The following NTM variants were observed in gnomAD, a reference collection of about 807,000 sequenced individuals.
The protein encoded by NTM is neurotrimin.
Under a neutral mutation model 42.1 loss-of-function variants are expected in NTM, and 13 were observed. The observed-to-expected ratio is 0.31, with a 90% confidence interval of 0.20 to 0.49. The LOEUF (loss-of-function observed/expected upper bound fraction) is 0.49, where lower values mean the gene tolerates loss of function less well. Ranked by LOEUF, NTM falls within the 20% of genes least tolerant of loss-of-function variation. The probability of loss-of-function intolerance (pLI) is 0.99; values close to 1 mark genes in which losing one functional copy is unlikely to be tolerated. For synonymous variants in NTM, 187 were observed against 179.2 expected (o/e 1.04, Z -0.35); for missense variants, 373 against 452.8 (o/e 0.82, Z 1.60).
chr11:131,572,598 C>T lies in NTM; in HGVS notation c.82+201710C>T, dbSNP rs77689056. Among the ~76,000 whole-genome samples the T allele has an allele frequency of 5.5e-3, 840 of 152,240 alleles. 6 individuals carry two copies. The highest frequency in any genetic ancestry group is 0.018 in the African/African-American group (763 of 41,548). ...TCTTTCCCTTGGATGACTGTGCGCG[C>T]ATTGAAAGACTTTGCAGAGACGGCT... On this transcript the variant is annotated intron_variant, in intron 1 of 8. Coordinates refer to ENST00000683400, the MANE Select transcript of NTM (RefSeq NM_001352005.2).
chr11:131,445,395 A>T (rs2136004818), intron 1 of NTM, among the ~76,000 whole-genome samples: 1 of 152,352 alleles, frequency 6.6e-6, no homozygotes, highest in South Asian at 2.1e-4. Flanking sequence ...TGCATGAATG[A>T]GAAAAGGAAA....
At chr11:132,140,126 C>T (rs1428529820) in intron 2 of NTM, among the ~76,000 whole-genome samples, 1 of 152,138 alleles carries the variant, frequency 6.6e-6, no homozygotes, top group Non-Finnish European at 1.5e-5. Flanking sequence ...TTAAATGAAA[C>T]CCAGTGGAGT....
At chr11:132,195,194 C>T (rs138684914) in intron 3 of NTM, among the ~76,000 whole-genome samples, 19 of 151,974 alleles carry the variant, frequency 1.3e-4, no homozygotes, top group Middle Eastern at 6.8e-3. Context: ...ATCTCAATTA[C>T]GATAGCCACA....
intron 1 of NTM, among the ~76,000 whole-genome samples, chr11:131,626,137 A>G (rs1415141761): frequency 1.3e-5 from 2 of 152,144 alleles, no homozygotes; most frequent in Non-Finnish European, 2.9e-5. Context: ...GTAACTTTAT[A>G]GATGTTGAAA....
intron 1 of NTM, among the ~76,000 whole-genome samples, chr11:131,448,345 TCC>T (rs1369947444): frequency 6.6e-6 from 1 of 152,166 alleles, no homozygotes; most frequent in Non-Finnish European, 1.5e-5. Context: ...CATGGACTCA[TCC>T]CCAGGGGGTT....
rs530407920 is a variant in NTM at position 131,851,307 on chromosome 11, G to A, written c.83-60257G>A. 5.3e-5 allele frequency among the ~76,000 whole-genome samples: 8 copies of A among 152,238 alleles called. No individual in the cohort carries two copies. In the South Asian group the frequency reaches 1.7e-3, roughly 32 times the overall value. On this transcript the variant is annotated intron_variant, in intron 1 of 8. Transcript: ENST00000683400. ...GGCAAGGAAGGAGGCTTGGGAGGGT[G>A]TACAGTCCAGCACCGGCATTTCAGG...
At chr11:132,329,235 T>C (rs1402234751) in intron 7 of NTM, among the ~76,000 whole-genome samples, 2 of 152,196 alleles carry the variant, frequency 1.3e-5, no homozygotes, top group African/African-American at 2.4e-5. Context: ...CAAAAAGCTT[T>C]AGTGCCATTT....
chr11:131,474,474 A>T (rs922594037), intron 1 of NTM, among the ~76,000 whole-genome samples: 4 of 151,980 alleles, frequency 2.6e-5, no homozygotes, highest in Admixed American at 2.6e-4. Context: ...CCACCCCTAC[A>T]TGCCCACCTG....
At chr11:131,990,688 C>T (rs1235871802) in intron 2 of NTM, among the ~76,000 whole-genome samples, 1 of 152,086 alleles carries the variant, frequency 6.6e-6, no homozygotes, top group Non-Finnish European at 1.5e-5. Flanking sequence ...CATAATTCAC[C>T]TTCCTGCATT....
intron 1 of NTM, among the ~76,000 whole-genome samples, chr11:131,709,468 A>C (rs1185931545): frequency 1.3e-5 from 2 of 152,214 alleles, no homozygotes; most frequent in Non-Finnish European, 2.9e-5. Context: ...TTTGAATGCA[A>C]AGGCAACAAG....
intron 1 of NTM, chr11:131,796,319 G>A (rs1410215836): frequency 3.7e-6 from 1 of 269,224 alleles, no homozygotes; most frequent in African/African-American, 2.3e-5. Flanking sequence ...GCACGCAGGA[G>A]GCAGGAGGGT....
intron 2 of NTM, among the ~76,000 whole-genome samples, chr11:132,031,729 G>A (rs1049522521): frequency 6.6e-6 from 1 of 152,140 alleles, no homozygotes; most frequent in African/African-American, 2.4e-5. Context: ...CTAGTGCTCA[G>A]GACAGAGGTG....
intron 1 of NTM, among the ~76,000 whole-genome samples, chr11:131,825,630 T>G (rs2042038172): frequency 2.0e-5 from 3 of 152,132 alleles, no homozygotes. Flanking sequence ...TTGCAGCCAT[T>G]CGGGTGAGAA....
At chr11:131,700,543 G>A (rs953056324) in intron 1 of NTM, among the ~76,000 whole-genome samples, 1 of 152,048 alleles carries the variant, frequency 6.6e-6, no homozygotes, top group African/African-American at 2.4e-5. Flanking sequence ...TTGTTTATTG[G>A]GTTACAATAA....
At chr11:132,050,498 A>G (rs949365565) in intron 2 of NTM, among the ~76,000 whole-genome samples, 23 of 152,166 alleles carry the variant, frequency 1.5e-4, no homozygotes, top group African/African-American at 5.5e-4. Flanking sequence ...GGGGAAAGAG[A>G]GAAACTGCCC....
intron 1 of NTM, among the ~76,000 whole-genome samples, chr11:131,592,524 CAAAAAAAAA>C (rs3040141): frequency 7.7e-6 from 1 of 129,952 alleles, no homozygotes; most frequent in African/African-American, 2.9e-5. Context: ...ATAGGTCTTT[CAAAAAAAAA>C]AAAAAAAAGC....
chr11:131,604,228 T>A (rs2060732097), intron 1 of NTM, among the ~76,000 whole-genome samples: 1 of 152,198 alleles, frequency 6.6e-6, no homozygotes, highest in Admixed American at 6.5e-5. Context: ...TCCTCGTGGG[T>A]GTGAAGTGGT....
intron 1 of NTM, among the ~76,000 whole-genome samples, chr11:131,596,101 T>C (rs970294756): frequency 3.3e-5 from 5 of 152,196 alleles, no homozygotes; most frequent in Admixed American, 6.5e-5. Flanking sequence ...ATACCTCCCT[T>C]GTGGCTGAAC....
intron 1 of NTM, among the ~76,000 whole-genome samples, chr11:131,727,628 T>A (rs2079121330): frequency 1.3e-5 from 2 of 152,132 alleles, no homozygotes; most frequent in African/African-American, 4.8e-5. Flanking sequence ...CTAAGGACAA[T>A]CACTCTGGCA....
Sources: allele counts gnomAD v4.1 joint callset (sites outside exome capture counted in the v4.1 genomes callset), GRCh38; gene constraint gnomAD v4.1.1; transcripts MANE v1.5; gene names NCBI Gene and HGNC (gene_info 2026-07-23, HGNC 2026-07-21).